SAXO1: variants seen among roughly 807,000 people sequenced by gnomAD.
SAXO1 encodes 4930500O09Rik.
Under a neutral mutation model 17.5 loss-of-function variants are expected in SAXO1, and 21 were observed. The observed-to-expected ratio is 1.20, with a 90% CI of 0.85 to 1.72. SAXO1 has a LOEUF of 1.72. SAXO1 is among the 40% of genes most tolerant of loss of function. SAXO1 has a pLI of 0.00. For synonymous variants in SAXO1, 274 were observed against 216.5 expected (o/e 1.27, Z -2.33); for missense variants, 843 against 596.0 (o/e 1.41, Z -4.32).
intron 1 of SAXO1, among the ~76,000 whole-genome samples, chr9:19,039,019 A>G (rs1038972499): frequency 4.6e-5 from 7 of 152,070 alleles, no homozygotes; most frequent in South Asian, 2.1e-4. Context: ...AACTCACCCA[A>G]CCCCAAACTT....
At chr9:18,970,183 G>T (rs1268554599) in intron 1 of SAXO1, among the ~76,000 whole-genome samples, 1 of 152,326 alleles carries the variant, frequency 6.6e-6, no homozygotes, top group East Asian at 1.9e-4. Flanking sequence ...TGTTTGGCTT[G>T]ATGTGTGAAC....
Position 18,951,467 on chromosome 9 carries a change from T to C in SAXO1, c.39-530A>G, listed in dbSNP as rs186678297. On this transcript the variant is annotated intron_variant, in intron 1 of 3. Transcript: ENST00000380534. ...AAAGCAAAATCACCTTAGTTCTGAG[T>C]CCACCAGACACCACTGACTATGTGA... Among the ~76,000 whole-genome samples the C allele has an allele frequency of 2.6e-5, 4 of 152,262 alleles. No individual in the cohort carries two copies. The East Asian group carries it at 7.7e-4, about 29-fold the overall frequency.
intron 1 of SAXO1, among the ~76,000 whole-genome samples, chr9:19,032,367 G>A (rs192801862): frequency 1.3e-5 from 2 of 152,346 alleles, no homozygotes; most frequent in East Asian, 1.9e-4. Flanking sequence ...GGCAGGCCAG[G>A]CGACTGTGAA....
At chr9:18,968,711 A>G (rs371807256) in intron 1 of SAXO1, among the ~76,000 whole-genome samples, 2 of 151,732 alleles carry the variant, frequency 1.3e-5, no homozygotes, top group South Asian at 4.2e-4. Context: ...CTCCTGCCTC[A>G]GCCTCTGGAG....
At chr9:19,026,180 CAT>C (rs1315627999) in intron 1 of SAXO1, among the ~76,000 whole-genome samples, 6 of 152,158 alleles carry the variant, frequency 3.9e-5, no homozygotes, top group African/African-American at 1.4e-4. Flanking sequence ...TTGATTGTTA[CAT>C]GTTATATGAA....
At chr9:18,986,176 T>C (rs1383334436) in intron 1 of SAXO1, among the ~76,000 whole-genome samples, 3 of 152,244 alleles carry the variant, frequency 2.0e-5, no homozygotes, top group Non-Finnish European at 4.4e-5. Context: ...AGCAATTCAT[T>C]TACAGCTACT....
At chr9:19,017,321 A>T (rs1265598211) in intron 1 of SAXO1, among the ~76,000 whole-genome samples, 2 of 152,198 alleles carry the variant, frequency 1.3e-5, no homozygotes, top group African/African-American at 2.4e-5. Flanking sequence ...CCACACCCCA[A>T]ACCTCAGCAT....
At chr9:19,014,169 T>C (rs951009214) in intron 1 of SAXO1, among the ~76,000 whole-genome samples, 2 of 151,962 alleles carry the variant, frequency 1.3e-5, no homozygotes, top group African/African-American at 4.8e-5. Context: ...GGCTTTAAAT[T>C]GGCAAAAATC....
At chr9:18,970,778 G>A (rs983543572) in intron 1 of SAXO1, among the ~76,000 whole-genome samples, 1 of 152,152 alleles carries the variant, frequency 6.6e-6, no homozygotes, top group Non-Finnish European at 1.5e-5. Context: ...TTTATGACAT[G>A]GATGGAATTA....
At chr9:18,930,871 C>A (rs559375015) in intron 3 of SAXO1, among the ~76,000 whole-genome samples, 4 of 152,158 alleles carry the variant, frequency 2.6e-5, no homozygotes, top group Non-Finnish European at 4.4e-5. Flanking sequence ...CCATAAATTA[C>A]CAGATTTAAA....
At chr9:19,043,110 T>G (rs1302121373) in intron 1 of SAXO1, among the ~76,000 whole-genome samples, 1 of 151,780 alleles carries the variant, frequency 6.6e-6, no homozygotes, top group Non-Finnish European at 1.5e-5. Context: ...AGGCAGAGGT[T>G]GCAGTGAACC....
At chr9:18,967,225 AG>A (rs533831985) in intron 1 of SAXO1, among the ~76,000 whole-genome samples, 96 of 152,338 alleles carry the variant, frequency 6.3e-4, no homozygotes, top group African/African-American at 2.2e-3. Flanking sequence ...CCTGGGGGTC[AG>A]GGACCCACTT....
At chr9:18,981,203 C>T (rs1473128668) in intron 1 of SAXO1, among the ~76,000 whole-genome samples, 3 of 152,172 alleles carry the variant, frequency 2.0e-5, no homozygotes, top group Non-Finnish European at 2.9e-5. Context: ...TAATTAAATA[C>T]CTTGTTAATG....
chr9:19,016,006 C>A (rs573602768), intron 1 of SAXO1, among the ~76,000 whole-genome samples: 1 of 152,288 alleles, frequency 6.6e-6, no homozygotes, highest in Non-Finnish European at 1.5e-5. Context: ...CTCAGGTACA[C>A]TGAAGGCTGA....
chr9:19,013,002 A>C (rs777908798), intron 1 of SAXO1, among the ~76,000 whole-genome samples: 1 of 152,180 alleles, frequency 6.6e-6, no homozygotes, highest in African/African-American at 2.4e-5. Flanking sequence ...ACCCTGCCTC[A>C]TCAGGCCTCT....
At chr9:18,962,943 A>G (rs1047761606) in intron 1 of SAXO1, among the ~76,000 whole-genome samples, 1 of 152,190 alleles carries the variant, frequency 6.6e-6, no homozygotes, top group Non-Finnish European at 1.5e-5. Flanking sequence ...TCTTACGCTT[A>G]GGTCTTTAAT....
Position 18,950,821 on chromosome 9 carries a change from G to A in SAXO1, c.155C>T (p.Ser52Phe). 6.2e-7 allele frequency: 1 copy of A among 1,613,786 alleles called. No homozygotes were observed. The highest frequency in any genetic ancestry group is 8.5e-7 in the Non-Finnish European group (1 of 1,179,770). Residue 52 changes from serine (S) to phenylalanine (F), a missense_variant, in exon 2 of 4, where the codon TCC (serine) becomes TTC (phenylalanine). Physicochemically the swap from Ser to Phe is radical, Grantham distance 155. Transcript: ENST00000380534. ...PFYHSYLPRESFKPRREYQKG... is the reference protein window; with the variant it reads ...PFYHSYLPREFFKPRREYQKG... The stretch of plus-strand genomic sequence containing the variant: ...CTGGTACTCCCGCCTTGGCTTGAAG[G>A]ACTCTCTGGGCAGGTAGGAGTGATA...
At chr9:18,950,429 T>A (rs555906326) in intron 2 of SAXO1, among the ~76,000 whole-genome samples, 1 of 152,270 alleles carries the variant, frequency 6.6e-6, no homozygotes, top group Non-Finnish European at 1.5e-5. Flanking sequence ...AACTTGCTTT[T>A]CAGCAACATC....
intron 1 of SAXO1, among the ~76,000 whole-genome samples, chr9:19,042,419 C>T (rs1483296651): frequency 4.6e-5 from 7 of 152,170 alleles, no homozygotes; most frequent in South Asian, 2.1e-4. Flanking sequence ...TACTATCATA[C>T]GATTCAGCAA....
Sources: gnomAD v4.1 joint callset for allele counts (sites outside exome capture counted in the v4.1 genomes callset) on GRCh38, gnomAD v4.1.1 for gene constraint, MANE v1.5 for transcripts, NCBI Gene and HGNC (gene_info 2026-07-23, HGNC 2026-07-21) for gene names.